BMPER: variants seen among roughly 807,000 people sequenced by gnomAD.
BMPER encodes BMP binding endothelial regulator.
In BMPER, 45 loss-of-function variants were observed where a neutral mutation model predicts 87.3. The ratio of observed to expected loss-of-function variants is 0.52; its 90% CI spans 0.41 to 0.66. BMPER has a LOEUF of 0.66. Among genes scored for constraint, BMPER ranks in the 30% least tolerant of loss-of-function variants. The pLI, the probability that BMPER is intolerant of heterozygous loss-of-function variation, is 0.00. For missense variants in BMPER, 784 were observed against 867.5 expected, an observed-to-expected ratio of 0.90 and a Z score of 1.21; for synonymous variants, 326 against 316.2, an observed-to-expected ratio of 1.03 and a Z score of -0.33.
chr7:34,043,922 C>T (rs1787893990), intron 6 of BMPER, among the ~76,000 whole-genome samples: 1 of 152,176 alleles, frequency 6.6e-6, no homozygotes, highest in Non-Finnish European at 1.5e-5. Flanking sequence ...ATTTTACTCT[C>T]TTAGCCTATA....
At chr7:34,139,742 A>T (rs899803235) in intron 13 of BMPER, among the ~76,000 whole-genome samples, 2 of 152,162 alleles carry the variant, frequency 1.3e-5, no homozygotes, top group Admixed American at 1.3e-4. Flanking sequence ...CTTCCCAAAC[A>T]TTTCCTCATA....
intron 14 of BMPER, among the ~76,000 whole-genome samples, chr7:34,144,281 TA>T (rs1378966098): frequency 6.6e-6 from 1 of 151,636 alleles, no homozygotes; most frequent in Non-Finnish European, 1.5e-5. Context: ...TGAGGTGGGC[TA>T]GGGGAAGAGG....
At chr7:34,065,490 G>A (rs1424278968) in intron 11 of BMPER, among the ~76,000 whole-genome samples, 1 of 152,156 alleles carries the variant, frequency 6.6e-6, no homozygotes, top group Non-Finnish European at 1.5e-5. Flanking sequence ...GGGTGCCACA[G>A]GCATTCCAAA....
intron 2 of BMPER, among the ~76,000 whole-genome samples, chr7:33,929,734 C>G (rs1036811508): frequency 6.6e-6 from 1 of 152,174 alleles, no homozygotes; most frequent in Non-Finnish European, 1.5e-5. Context: ...GTTTACTTAC[C>G]TATAAGATGT....
chr7:33,924,502 T>C, intron 2 of BMPER, among the ~76,000 whole-genome samples: 1 of 152,198 alleles, frequency 6.6e-6, no homozygotes, highest in East Asian at 1.9e-4. Flanking sequence ...CTGCGCGCTG[T>C]GCTCCTCCTT....
At chr7:34,139,106 C>G (rs1790798000) in intron 13 of BMPER, among the ~76,000 whole-genome samples, 1 of 152,186 alleles carries the variant, frequency 6.6e-6, no homozygotes, top group South Asian at 2.1e-4. Context: ...ATTGTTTTGT[C>G]CCTCCCTAAA....
chr7:33,966,591 A>C (rs1164912565), intron 4 of BMPER, 30 bp downstream of exon 4: 4 of 1,602,138 alleles, frequency 2.5e-6, no homozygotes, highest in Non-Finnish European at 3.4e-6. Context: ...CTCTCCAGTA[A>C]AAAGGAATCC....
chr7:34,081,560 TAGCTCGAG>T (rs1237048718), intron 12 of BMPER, among the ~76,000 whole-genome samples: 3 of 152,252 alleles, frequency 2.0e-5, no homozygotes, highest in Non-Finnish European at 2.9e-5. Context: ...TAAGGCTTAG[TAGCTCGAG>T]AGAGCATTGT....
chr7:34,066,973 A>G (rs1022090013), intron 11 of BMPER, among the ~76,000 whole-genome samples: 2 of 152,192 alleles, frequency 1.3e-5, no homozygotes, highest in African/African-American at 4.8e-5. Context: ...GTGGTTCATT[A>G]AGCTGTACCT....
chr7:33,993,986 TC>T (rs1786316822), intron 6 of BMPER, among the ~76,000 whole-genome samples: 1 of 152,206 alleles, frequency 6.6e-6, no homozygotes, highest in Admixed American at 6.5e-5. Flanking sequence ...TTCTCAGATC[TC>T]CAGCTGCTTA....
At chr7:33,995,180 T>G (rs1301682296) in intron 6 of BMPER, among the ~76,000 whole-genome samples, 1 of 152,180 alleles carries the variant, frequency 6.6e-6, no homozygotes, top group Non-Finnish European at 1.5e-5. Flanking sequence ...GTGGCCATGG[T>G]ACAGCTTATT....
chr7:34,039,629 C>A (rs1446291706), intron 6 of BMPER, among the ~76,000 whole-genome samples: 1 of 151,916 alleles, frequency 6.6e-6, no homozygotes, highest in Admixed American at 6.6e-5. Context: ...CACACACACA[C>A]ACACACACAC....
intron 5 of BMPER, among the ~76,000 whole-genome samples, chr7:33,970,769 G>A (rs566807871): frequency 6.6e-6 from 1 of 152,246 alleles, no homozygotes; most frequent in East Asian, 1.9e-4. Context: ...GCCAGAGCTC[G>A]CCATGGTGAT....
chr7:33,934,405 G>T (rs541415191), intron 2 of BMPER, among the ~76,000 whole-genome samples: 1 of 150,964 alleles, frequency 6.6e-6, no homozygotes. Context: ...AGATATGGCA[G>T]TTCTGTACCA....
Position 34,079,083 on chromosome 7 carries a change from C to T in BMPER, c.1305C>T (p.His435=), listed in dbSNP as rs199795028. The change falls in exon 12 of 15, where the codon CAC becomes CAT. Residue 435 remains histidine, a synonymous_variant. Transcript: ENST00000649409. ...LGESRVSLQQ[H]LTVRWNGSRI... is the part of the protein sequence containing the mutation. ...AGAGCAGGGTCAGCCTGCAGCAGCA[C>T]CTCACCGTGCGCTGGAACGGCTCGC... 23 of 1,614,066 alleles carry T rather than the reference C, an allele frequency of 1.4e-5. No homozygotes were observed. The highest frequency in any genetic ancestry group is 1.9e-5 in the Non-Finnish European group (22 of 1,180,004).
intron 2 of BMPER, 111 bp from the exon 3 acceptor site, chr7:33,937,178 C>A: frequency 8.8e-7 from 1 of 1,132,066 alleles, no homozygotes; most frequent in Non-Finnish European, 1.3e-6. Context: ...CGTCTTCTTG[C>A]CAAGTGAAGG....
chr7:34,055,331 C>T, intron 9 of BMPER, 28 bp downstream of exon 9: 1 of 1,613,334 alleles, frequency 6.2e-7, no homozygotes, highest in South Asian at 1.1e-5. Context: ...CACATGGGAA[C>T]TCCTGTATTA....
intron 6 of BMPER, among the ~76,000 whole-genome samples, chr7:33,993,994 C>G (rs1786317330): frequency 6.6e-6 from 1 of 152,192 alleles, no homozygotes; most frequent in Non-Finnish European, 1.5e-5. Flanking sequence ...TCTCCAGCTG[C>G]TTACTGGGAG....
intron 3 of BMPER, among the ~76,000 whole-genome samples, chr7:33,944,024 A>G (rs1784825045): frequency 6.6e-6 from 1 of 152,214 alleles, no homozygotes; most frequent in Non-Finnish European, 1.5e-5. Context: ...GTGTTTTCAC[A>G]GAATTTGGTC....
Sources: gnomAD v4.1 joint callset for allele counts (sites outside exome capture counted in the v4.1 genomes callset) on GRCh38, gnomAD v4.1.1 for gene constraint, MANE v1.5 for transcripts, NCBI Gene and HGNC (gene_info 2026-07-23, HGNC 2026-07-21) for gene names.